Variants in ADARB2 observed in about 807,000 individuals in gnomAD.
ADARB2 encodes the protein adenosine deaminase RNA specific B2 (inactive), also known as inactive double-stranded RNA-specific editase B2.
In ADARB2, 25 loss-of-function variants were observed where a neutral mutation model predicts 62.2. That is an observed-to-expected ratio of 0.40 (90% CI 0.29 to 0.56). The LOEUF is 0.56. ADARB2 is among the 20% of genes least tolerant of loss of function. The pLI is 0.43. For synonymous variants in ADARB2, 572 were observed against 500.8 expected (o/e 1.14, Z -1.90); for missense variants, 1,071 against 1,077.4 (o/e 0.99, Z 0.08).
intron 3 of ADARB2, among the ~76,000 whole-genome samples, chr10:1,335,397 TGGATGACGGAAGGGATGGAGGGAA>T (rs1831964497): frequency 7.6e-6 from 1 of 131,634 alleles, no homozygotes; most frequent in Non-Finnish European, 1.6e-5. Context: ...GATAGAGGGG[TGGATGACGGAAGGGATGGAGGGAA>T]GGATGGAGGG....
rs561007905 is a variant in ADARB2 at position 1,318,573 on chromosome 10, G to T, written c.1077+44455C>A. Among the ~76,000 whole-genome samples, 5 of 151,868 alleles carry T rather than the reference G, an allele frequency of 3.3e-5. No individual in the cohort carries two copies. In the East Asian group the frequency reaches 5.8e-4, roughly 18 times the overall value. On this transcript the variant is annotated intron_variant, in intron 3 of 9. Coordinates refer to ENST00000381312, the MANE Select transcript of ADARB2 (RefSeq NM_018702.4). ...CATCATCGCAGAGTGCTGGGGTTCA[G>T]ATTCCACCTGATCTCTCTGGGCACT...
chr10:1,218,237 G>C (rs557172770), intron 6 of ADARB2, among the ~76,000 whole-genome samples: 3 of 152,170 alleles, frequency 2.0e-5, no homozygotes, highest in African/African-American at 7.2e-5. Flanking sequence ...TTTCAGTAGA[G>C]ATGGGGTTTC....
chr10:1,458,360 AC>A (rs1181535478), intron 1 of ADARB2, among the ~76,000 whole-genome samples: 1 of 96,516 alleles, frequency 1.0e-5, no homozygotes, highest in African/African-American at 3.2e-5. Flanking sequence ...GAGAGTGAAA[AC>A]TTGGGGTCTC....
intron 1 of ADARB2, among the ~76,000 whole-genome samples, chr10:1,728,762 A>G (rs1290927984): frequency 6.6e-6 from 1 of 152,238 alleles, no homozygotes; most frequent in Admixed American, 6.5e-5. Context: ...TGCTGAATAT[A>G]TACCCATCTT....
At chr10:1,568,161 G>A (rs931719233) in intron 1 of ADARB2, among the ~76,000 whole-genome samples, 9 of 152,360 alleles carry the variant, frequency 5.9e-5, no homozygotes, top group Non-Finnish European at 7.3e-5. Flanking sequence ...GGCCTGAGCC[G>A]CCACTGGGGA....
chr10:1,334,029 G>A (rs1831951554), intron 3 of ADARB2, among the ~76,000 whole-genome samples: 1 of 152,178 alleles, frequency 6.6e-6, no homozygotes. Flanking sequence ...CAACTAGACT[G>A]GACACACAAT....
At chr10:1,220,347 T>TGG (rs1830682746) in intron 6 of ADARB2, among the ~76,000 whole-genome samples, 2 of 119,024 alleles carry the variant, frequency 1.7e-5, no homozygotes, top group African/African-American at 3.1e-5. Flanking sequence ...ATGATGGTGA[T>TGG]TGTGGTGATG....
chr10:1,342,762 T>C (rs1832042335), intron 3 of ADARB2, among the ~76,000 whole-genome samples: 1 of 152,208 alleles, frequency 6.6e-6, no homozygotes, highest in South Asian at 2.1e-4. Context: ...GACAAGCTGA[T>C]TAGGAAAAGA....
At chr10:1,344,330 C>T (rs1027657905) in intron 3 of ADARB2, among the ~76,000 whole-genome samples, 3 of 152,178 alleles carry the variant, frequency 2.0e-5, no homozygotes. Context: ...GTGGCCGTCG[C>T]GGCAATGACC....
chr10:1,647,989 T>G (rs11814226), intron 1 of ADARB2, among the ~76,000 whole-genome samples: 148,263 of 152,260 alleles, frequency 0.97, 72,303 homozygotes, highest in East Asian at 1. Flanking sequence ...ACTGGTGTGA[T>G]AAATTCTAAT....
chr10:1,713,883 G>A (rs771526666), intron 1 of ADARB2, among the ~76,000 whole-genome samples: 2 of 152,194 alleles, frequency 1.3e-5, no homozygotes, highest in Non-Finnish European at 2.9e-5. Flanking sequence ...AATGATATCT[G>A]CCATACAAGC....
At chr10:1,225,863 T>G (rs1186435930) in intron 6 of ADARB2, among the ~76,000 whole-genome samples, 9 of 152,106 alleles carry the variant, frequency 5.9e-5, no homozygotes, top group Non-Finnish European at 1.0e-4. Context: ...CATTTCAACT[T>G]TGGTGAATCT....
intron 1 of ADARB2, among the ~76,000 whole-genome samples, chr10:1,589,140 A>G (rs1833215921): frequency 6.6e-6 from 1 of 152,186 alleles, no homozygotes; most frequent in African/African-American, 2.4e-5. Flanking sequence ...TGTGCACCGA[A>G]TTCCTTCCTT....
At chr10:1,183,717 T>G (rs968939411) in intron 9 of ADARB2, among the ~76,000 whole-genome samples, 1 of 152,136 alleles carries the variant, frequency 6.6e-6, no homozygotes, top group African/African-American at 2.4e-5. Context: ...GTGAGAGTCA[T>G]GTTGTCGGCT....
intron 3 of ADARB2, among the ~76,000 whole-genome samples, chr10:1,293,228 G>GGGGGAGAGGGAA (rs1554752375): frequency 9.2e-6 from 1 of 108,450 alleles, no homozygotes; most frequent in Non-Finnish European, 1.9e-5. Context: ...GAGAGGGACG[G>GGGGGAGAGGGAA]GGAGGGAGAG....
At chr10:1,277,510 T>C (rs1831328912) in intron 3 of ADARB2, among the ~76,000 whole-genome samples, 1 of 152,116 alleles carries the variant, frequency 6.6e-6, no homozygotes, top group Non-Finnish European at 1.5e-5. Context: ...CTAGAAGAAA[T>C]GGATAAATTC....
chr10:1,610,345 C>A (rs986148528), intron 1 of ADARB2, among the ~76,000 whole-genome samples: 3 of 152,214 alleles, frequency 2.0e-5, no homozygotes, highest in African/African-American at 7.2e-5. Flanking sequence ...GCCCAGACCC[C>A]AAGTTAAGGG....
intron 1 of ADARB2, among the ~76,000 whole-genome samples, chr10:1,491,977 T>C (rs914288767): frequency 6.6e-6 from 1 of 152,256 alleles, no homozygotes; most frequent in African/African-American, 2.4e-5. Flanking sequence ...GTTATTGTTA[T>C]GTATCTCTCT....
intron 1 of ADARB2, among the ~76,000 whole-genome samples, chr10:1,430,792 G>A (rs1352146354): frequency 6.6e-6 from 1 of 151,996 alleles, no homozygotes; most frequent in Non-Finnish European, 1.5e-5. Flanking sequence ...TAGACTCATA[G>A]CCAAGAAAAT....
Sources: gnomAD v4.1 joint callset for allele counts (sites outside exome capture counted in the v4.1 genomes callset) on GRCh38, gnomAD v4.1.1 for gene constraint, MANE v1.5 for transcripts, NCBI Gene and HGNC (gene_info 2026-07-23, HGNC 2026-07-21) for gene names.